CYB5A: variants seen among roughly 807,000 people sequenced by gnomAD.
CYB5A encodes cytochrome b5 type A.
CYB5A carries 10 observed loss-of-function variants against 16.2 expected under a neutral mutation model. The ratio of observed to expected loss-of-function variants is 0.62; its 90% CI spans 0.38 to 1.04. CYB5A has a LOEUF of 1.04. Among genes scored for constraint, CYB5A ranks in the 50% least tolerant of loss-of-function variants. The probability of loss-of-function intolerance (pLI) is 0.01; values close to 1 mark genes in which losing one functional copy is unlikely to be tolerated. For synonymous variants in CYB5A, 62 were observed against 57.0 expected (o/e 1.09, Z -0.40); for missense variants, 161 against 165.9 (o/e 0.97, Z 0.16).
In CYB5A at chr18:74,255,757, T is replaced by G. The variant is rs949349297; in HGVS notation, c.307A>C (p.Ile103Leu). Residue 103 changes from isoleucine (I) to leucine (L), a missense_variant, in exon 4 of 5, where the codon ATT becomes CTT. By Grantham distance (5) the Ile-to-Leu change is conservative. Transcript: ENST00000340533. ...NKPPETLITT[I>L]DSSSSWWTNW... ...ACCACATACCTGGAACTAGAATCAATAGTAGTGATAAGAGTTTCCTGAAAC... is the reference window on the plus strand; with the variant it reads ...ACCACATACCTGGAACTAGAATCAAGAGTAGTGATAAGAGTTTCCTGAAAC... 2 of 1,612,224 alleles carry G rather than the reference T, an allele frequency of 1.2e-6. No homozygotes were observed. Among genetic ancestry groups the G allele is most frequent in the African/African-American group, 2.7e-5 (2 of 74,822 alleles).
rs191266885 is a variant in CYB5A, at chr18:74,282,633, A to T, written c.129+9114T>A. ...CAAAACGGGATGGGACACCATGCTG[A>T]GACCTGAACAGGGCCAAGCCTGACA... On this transcript the variant is annotated intron_variant, in intron 1 of 4. Coordinates refer to ENST00000340533, the MANE Select transcript of CYB5A (RefSeq NM_148923.4). 1.0e-3 allele frequency among the ~76,000 whole-genome samples: 158 copies of T among 152,350 alleles called. 3 individuals carry two copies. The highest frequency in any genetic ancestry group is 3.4e-3 in the Middle Eastern group (1 of 294).
chr18:74,269,944 C>G (rs909103991), intron 1 of CYB5A, among the ~76,000 whole-genome samples: 1 of 152,174 alleles, frequency 6.6e-6, no homozygotes, highest in Non-Finnish European at 1.5e-5. Flanking sequence ...AATGGTGATG[C>G]AGAGGTAGAA....
intron 1 of CYB5A, among the ~76,000 whole-genome samples, chr18:74,286,118 C>T (rs1386659816): frequency 6.6e-6 from 1 of 152,228 alleles, no homozygotes; most frequent in Non-Finnish European, 1.5e-5. Context: ...ATGTAAAGCA[C>T]ATCCACGAGC....
intron 1 of CYB5A, among the ~76,000 whole-genome samples, chr18:74,276,527 A>AAC (rs1982880948): frequency 1.5e-5 from 1 of 64,738 alleles, no homozygotes; most frequent in African/African-American, 4.8e-5. Flanking sequence ...CAAAAGATTC[A>AAC]GCACACACAC....
intron 1 of CYB5A, among the ~76,000 whole-genome samples, chr18:74,281,252 G>A (rs572080021): frequency 2.5e-4 from 38 of 152,336 alleles, no homozygotes; most frequent in African/African-American, 8.7e-4. Context: ...ACGTTAGGGT[G>A]AGAAGCCTAC....
chr18:74,286,481 A>G (rs1439490584), intron 1 of CYB5A, among the ~76,000 whole-genome samples: 3 of 152,248 alleles, frequency 2.0e-5, no homozygotes, highest in East Asian at 1.9e-4. Context: ...CAATCAAAAT[A>G]TAGTCACTTA....
At chr18:74,262,629 T>G (rs965805692) in intron 2 of CYB5A, among the ~76,000 whole-genome samples, 1 of 152,198 alleles carries the variant, frequency 6.6e-6, no homozygotes, top group Non-Finnish European at 1.5e-5. Context: ...AGCTCCGTTT[T>G]TATATTTTTT....
At chr18:74,291,457 C>T (rs534584845) in intron 1 of CYB5A, among the ~76,000 whole-genome samples, 1 of 112,474 alleles carries the variant, frequency 8.9e-6, no homozygotes, top group East Asian at 2.1e-4. Flanking sequence ...GGTGTGCGGA[C>T]TCGAGGAGAG....
rs528890824 is a variant in CYB5A at position 74,263,435 on chromosome 18, C to T, written c.172G>A (p.Asp58Asn). The T allele has an allele frequency of 6.2e-7, 1 of 1,614,148 alleles. No homozygotes were observed. The highest frequency in any genetic ancestry group is 1.3e-5 in the African/African-American group (1 of 75,038). Residue 58 changes from aspartate to asparagine, a missense_variant, in exon 2 of 5, where the codon GAC (aspartate) becomes AAC (asparagine). Asp to Asn is a conservative substitution (Grantham distance 23, BLOSUM62 1). Coordinates refer to ENST00000340533, the MANE Select transcript of CYB5A (RefSeq NM_148923.4). ...ACATCCTCAAAGTTCTCAGTAGCGTCACCTCCAGCTTGTTCCCTTAAAACT... is the reference window on the plus strand; with the variant it reads ...ACATCCTCAAAGTTCTCAGTAGCGTTACCTCCAGCTTGTTCCCTTAAAACT... Reference protein sequence around the residue: ...EEVLREQAGGDATENFEDVGH... With the variant: ...EEVLREQAGGNATENFEDVGH...
At chr18:74,269,666 G>A (rs1340153827) in intron 1 of CYB5A, among the ~76,000 whole-genome samples, 6 of 152,142 alleles carry the variant, frequency 3.9e-5, no homozygotes, top group African/African-American at 1.4e-4. Context: ...GCAGCCAAAA[G>A]CCTAGGAGTC....
At chr18:74,256,879 A>G (rs774139236) in intron 3 of CYB5A, 9 of 1,611,588 alleles carry the variant, frequency 5.6e-6, no homozygotes, top group Non-Finnish European at 7.6e-6. Flanking sequence ...AAAAAAGGTA[A>G]GTCATTTAAA....
At chr18:74,275,630 G>A (rs1303301600) in intron 1 of CYB5A, among the ~76,000 whole-genome samples, 1 of 152,170 alleles carries the variant, frequency 6.6e-6, no homozygotes, top group Non-Finnish European at 1.5e-5. Context: ...ACATGCAGAA[G>A]CATCTGAAAC....
chr18:74,257,904 T>C lies in CYB5A; in HGVS notation c.289-2129A>G, dbSNP rs1185535736. 2.0e-5 allele frequency: 3 copies of C among 152,232 alleles called. No homozygotes were observed. The East Asian group carries it at 5.8e-4, about 29-fold the overall frequency. 9.4% of individuals were successfully genotyped at this position (152,232 alleles called of 1,614,324 possible). A position where few individuals can be genotyped will look rare whatever the true frequency, so the allele number is the denominator to read the frequency against. On this transcript the variant is annotated intron_variant, in intron 3 of 4. Coordinates refer to ENST00000340533, the MANE Select transcript of CYB5A (RefSeq NM_148923.4). ...CTGCATTGCAGCCTGGGCAACAGAG[T>C]GAGACCCCGTCTCAAAAAAGTAAAA...
intron 1 of CYB5A, among the ~76,000 whole-genome samples, chr18:74,277,983 C>T (rs1364011003): frequency 2.0e-5 from 3 of 152,226 alleles, no homozygotes; most frequent in Non-Finnish European, 4.4e-5. Context: ...CTCCTTTCCA[C>T]TCTAGCAGCC....
chr18:74,257,493 G>C (rs1982031937), intron 3 of CYB5A: 1 of 152,786 alleles, frequency 6.5e-6, no homozygotes, highest in Non-Finnish European at 1.5e-5. Flanking sequence ...CTTGGGTTTA[G>C]GGACGTGACT....
chr18:74,288,748 CAGAT>C (rs1983413648), intron 1 of CYB5A, among the ~76,000 whole-genome samples: 2 of 152,180 alleles, frequency 1.3e-5, no homozygotes, highest in Non-Finnish European at 2.9e-5. Context: ...GCTAGAGTCT[CAGAT>C]AGAACCCAGA....
intron 1 of CYB5A, among the ~76,000 whole-genome samples, chr18:74,272,392 G>A (rs994591902): frequency 7.2e-5 from 11 of 152,172 alleles, no homozygotes; most frequent in African/African-American, 1.9e-4. Flanking sequence ...GTGTGCTCTC[G>A]TCATTGTTCC....
chr18:74,288,786 G>C (rs556715334), intron 1 of CYB5A, among the ~76,000 whole-genome samples: 3 of 152,274 alleles, frequency 2.0e-5, no homozygotes, highest in South Asian at 4.1e-4. Flanking sequence ...AGGCTTTGCC[G>C]GGGGCTGGGA....
intron 1 of CYB5A, among the ~76,000 whole-genome samples, chr18:74,286,545 A>G (rs1018244259): frequency 4.6e-5 from 7 of 152,200 alleles, no homozygotes; most frequent in Non-Finnish European, 8.8e-5. Context: ...ATTTCTCCCA[A>G]TGCAGATGGC....
Sources: gnomAD v4.1 joint callset for allele counts (sites outside exome capture counted in the v4.1 genomes callset) on GRCh38, gnomAD v4.1.1 for gene constraint, MANE v1.5 for transcripts, NCBI Gene and HGNC (gene_info 2026-07-23, HGNC 2026-07-21) for gene names.